Variants in NCSTN observed in about 807,000 individuals in gnomAD.
NCSTN encodes nicastrin.
NCSTN carries 22 observed loss-of-function variants against 87.0 expected under a neutral mutation model. The ratio of observed to expected loss-of-function variants is 0.25; its 90% CI spans 0.18 to 0.36. The LOEUF (loss-of-function observed/expected upper bound fraction) is 0.36, where lower values mean the gene tolerates loss of function less well. Ranked by LOEUF, NCSTN falls within the 10% of genes least tolerant of loss-of-function variation. NCSTN has a pLI of 1.00. For synonymous variants in NCSTN, 306 were observed against 327.1 expected (o/e 0.94, Z 0.69); for missense variants, 693 against 883.3 (o/e 0.78, Z 2.73).
At chr1:160,351,641 A>G in intron 6 of NCSTN, 55 bp from the exon 7 acceptor site, 1 of 1,471,892 alleles carries the variant, frequency 6.8e-7, no homozygotes, top group Middle Eastern at 1.7e-4. Context: ...TGTTGCCTTT[A>G]TAGCTACCTT....
Position 160,356,765 on chromosome 1 carries a change from G to A in NCSTN, c.1794+11G>A, listed in dbSNP as rs767848031. 1 of 1,614,194 alleles carries A rather than the reference G, an allele frequency of 6.2e-7. No homozygotes were observed. Among genetic ancestry groups the A allele is most frequent in the South Asian group, 1.1e-5 (1 of 91,080 alleles). On this transcript the variant is annotated intron_variant, in intron 15 of 16. Coordinates refer to ENST00000294785, the MANE Select transcript of NCSTN (RefSeq NM_015331.3). ...AGTGAAAACAAGGATGTGAGTGGTG[G>A]TGGGTGTTGGAAGTGCCCTGGGGCC...
At chr1:160,354,995 G>C (rs181312261) in intron 11 of NCSTN, among the ~76,000 whole-genome samples, 2 of 152,286 alleles carry the variant, frequency 1.3e-5, no homozygotes, top group African/African-American at 4.8e-5. Context: ...CTAGCACTTA[G>C]GGTCAGCTGT....
chr1:160,343,423 G>C lies in NCSTN; in HGVS notation c.27G>C (p.Gly9=), dbSNP rs1557880042. 6.2e-7 allele frequency: 1 copy of C among 1,612,856 alleles called. No homozygotes were observed. Among genetic ancestry groups the C allele is most frequent in the Admixed American group, 1.7e-5 (1 of 59,930 alleles). The part of the protein sequence containing the change: MATAGGGS[G]ADPGSRGLLR... The stretch of plus-strand genomic sequence containing the variant: ...TGGCTACGGCAGGGGGTGGCTCTGG[G>C]GCTGACCCGGGAAGTCGGGGTCTCC... Residue 9 remains glycine (G), a synonymous_variant, in exon 1 of 17, where the codon GGG becomes GGC. Transcript: ENST00000294785.
chr1:160,354,909 G>A (rs764620196), intron 11 of NCSTN, among the ~76,000 whole-genome samples: 42 of 152,286 alleles, frequency 2.8e-4, no homozygotes, highest in African/African-American at 9.4e-4. Flanking sequence ...AATGAGTTTC[G>A]TAGTGAAAAT....
chr1:160,344,703 CTTT>C lies in NCSTN; in HGVS notation c.86-16_86-14del. 6.2e-7 allele frequency: 1 copy of C among 1,612,408 alleles called. No homozygotes were observed. Among genetic ancestry groups the C allele is most frequent in the Non-Finnish European group, 8.5e-7 (1 of 1,178,696 alleles). On this transcript the variant is annotated splice_polypyrimidine_tract_variant and intron_variant, in intron 1 of 16. Transcript: ENST00000294785. The stretch of plus-strand genomic sequence containing the variant: ...CTGTGTCTCTCAAATTTTTCTAACA[CTTT>C]TTATCTTCCGATCAGGTTTGTGCAG...
chr1:160,346,636 C>A (rs1004559903), intron 2 of NCSTN, among the ~76,000 whole-genome samples: 1 of 150,762 alleles, frequency 6.6e-6, no homozygotes, highest in African/African-American at 2.4e-5. Flanking sequence ...GATGCAGTCT[C>A]GCCCTCTCGC....
rs978041117 is a variant in NCSTN at position 160,343,594 on chromosome 1, C to T, written c.85+113C>T. 4 of 998,062 alleles carry T rather than the reference C, an allele frequency of 4.0e-6. No homozygotes were observed. The African/African-American group carries it at 6.4e-5, about 16-fold the overall frequency. 61.8% of individuals were successfully genotyped at this position (998,062 alleles called of 1,614,324 possible). A position where few individuals can be genotyped will look rare whatever the true frequency, so the allele number is the denominator to read the frequency against. ...CCTGCTGCCCCTCTGTCCCCCCACC[C>T]TGTAAATCCTCTTTCTTTTTCGTTC... is the stretch of plus-strand genomic sequence containing the variant. On this transcript the variant is annotated intron_variant, in intron 1 of 16. Transcript: ENST00000294785.
At position 160,354,229 on chromosome 1, in the gene NCSTN, C is replaced by A. The variant is rs751801894; in HGVS notation, c.1291C>A (p.Leu431Ile). The change falls in exon 11 of 17, where the codon CTT becomes ATT. Residue 431 changes from leucine to isoleucine, a missense_variant. By Grantham distance (5) the Leu-to-Ile change is conservative (BLOSUM62 2). Around this residue, in one of 4 missense-constraint regions of NCSTN, gnomAD observed 108 missense variants for 111.6 expected, o/e 0.97. Transcript: ENST00000294785. ...PLPPSSLQRF[L>I]RARNISGVVL... ...CCCACCATCTTCCCTGCAGCGATTTCTTCGAGCTCGAAACATCTCTGGCGT... is the reference window on the plus strand; with the variant it reads ...CCCACCATCTTCCCTGCAGCGATTTATTCGAGCTCGAAACATCTCTGGCGT... 6.2e-7 allele frequency: 1 copy of A among 1,614,188 alleles called. No homozygotes were observed. Among genetic ancestry groups the A allele is most frequent in the Non-Finnish European group, 8.5e-7 (1 of 1,180,040 alleles).
At chr1:160,354,997 G>A (rs1030276197) in intron 11 of NCSTN, among the ~76,000 whole-genome samples, 8 of 152,284 alleles carry the variant, frequency 5.3e-5, no homozygotes, top group Admixed American at 5.2e-4. Context: ...AGCACTTAGG[G>A]TCAGCTGTCT....
intron 6 of NCSTN, 81 bp downstream of exon 6, chr1:160,351,453 C>CT: frequency 6.6e-7 from 1 of 1,509,278 alleles, no homozygotes; most frequent in Non-Finnish European, 9.1e-7. Flanking sequence ...GTTAGAGAGA[C>CT]TGTAATAGGG....
At chr1:160,344,395 A>C in intron 1 of NCSTN, 1 of 1,295,090 alleles carries the variant, frequency 7.7e-7, no homozygotes, top group Middle Eastern at 2.8e-4. Context: ...ATACAAGCAG[A>C]AGTGTGATCA....
rs1412700773 is a variant in NCSTN at position 160,353,217 on chromosome 1, A to T, written c.1159A>T (p.Asn387Tyr). 2 of 1,614,054 alleles carry T rather than the reference A, an allele frequency of 1.2e-6. No individual in the cohort carries two copies. Among genetic ancestry groups the T allele is most frequent in the South Asian group, 2.2e-5 (2 of 91,070 alleles). ...WMHTDPVSQK[N>Y]ESVRNQVEDL... ...GCACACAGATCCTGTTTCTCAGAAA[A>T]ATGAGTCTGTACGGAACCAGGTAAC... Residue 387 changes from asparagine to tyrosine, a missense_variant, in exon 10 of 17, where the codon AAT (asparagine) becomes TAT (tyrosine). Coordinates refer to ENST00000294785, the MANE Select transcript of NCSTN (RefSeq NM_015331.3).
rs200800006 is a variant in NCSTN at position 160,352,102 on chromosome 1, G to A, written c.892G>A (p.Ala298Thr). The A allele has an allele frequency of 5.3e-5, 86 of 1,614,128 alleles. No individual in the cohort carries two copies. Among genetic ancestry groups the A allele is most frequent in the East Asian group, 6.7e-5 (3 of 44,898 alleles). Residue 298 changes from alanine to threonine, a missense_variant, in exon 8 of 17, where the codon GCA (alanine) becomes ACA (threonine). This residue lies in a region of NCSTN where 134 missense variants were observed against 226.0 expected (regional missense o/e 0.59). Transcript: ENST00000294785. The stretch of plus-strand genomic sequence containing the variant: ...GAATGTGGCCCCAGGGGCTGAAAGC[G>A]CAGTGGCTTCCTTTGTCACCCAGCT... Reference protein sequence around the residue: ...FWNVAPGAESAVASFVTQLAA... With the variant: ...FWNVAPGAESTVASFVTQLAA...
intron 2 of NCSTN, among the ~76,000 whole-genome samples, chr1:160,346,478 CTACTT>C (rs1483335959): frequency 6.6e-6 from 1 of 152,202 alleles, no homozygotes; most frequent in Non-Finnish European, 1.5e-5. Context: ...GAAGCAGTTA[CTACTT>C]TTTTAGCCAT....
chr1:160,357,102 G>T lies in NCSTN; in HGVS notation c.1856G>T (p.Arg619Leu), dbSNP rs201152756. The T allele has an allele frequency of 6.2e-6, 10 of 1,613,952 alleles. No individual in the cohort carries two copies. The highest frequency in any genetic ancestry group is 1.7e-5 in the Admixed American group (1 of 59,972). Reference sequence around the variant, plus strand: ...TCTAATGAGACGGACCGACTCCCCCGGTGTGTGCGTTCTACTGCACGATTA... The same window carrying T: ...TCTAATGAGACGGACCGACTCCCCCTGTGTGTGCGTTCTACTGCACGATTA... ...LHSNETDRLP[R>L]CVRSTARLAR... Residue 619 changes from arginine to leucine, a missense_variant, in exon 16 of 17, where the codon CGG (arginine) becomes CTG (leucine). This residue lies in a region of NCSTN where 216 missense variants were observed against 311.7 expected (regional missense o/e 0.69). Transcript: ENST00000294785.
rs181644815 is a variant in NCSTN at position 160,346,271 on chromosome 1, C to A, written c.190+1445C>A. ...GCTTCTTCATCATCAAATTGATCACCTCTGAATTTCAGTTTACCCCTGGAA... is the reference window on the plus strand; with the variant it reads ...GCTTCTTCATCATCAAATTGATCACATCTGAATTTCAGTTTACCCCTGGAA... On this transcript the variant is annotated intron_variant, in intron 2 of 16. Coordinates refer to ENST00000294785, the MANE Select transcript of NCSTN (RefSeq NM_015331.3). Among the ~76,000 whole-genome samples the A allele has an allele frequency of 1.9e-3, 291 of 152,302 alleles. 3 individuals are homozygous for A. Among genetic ancestry groups the A allele is most frequent in the African/African-American group, 5.9e-3 (244 of 41,562 alleles).
At chr1:160,355,080 A>G (rs1210013285) in intron 11 of NCSTN, among the ~76,000 whole-genome samples, 1 of 152,208 alleles carries the variant, frequency 6.6e-6, no homozygotes, top group African/African-American at 2.4e-5. Flanking sequence ...GGATTTGATT[A>G]TGTAGCTGAC....
At chr1:160,349,718 C>CT (rs1557884824) in intron 4 of NCSTN, 48 bp downstream of exon 4, 2 of 1,609,626 alleles carry the variant, frequency 1.2e-6, no homozygotes, top group Non-Finnish European at 1.7e-6. Flanking sequence ...CTAAGGCTCA[C>CT]TGTTGCTTCG....
rs780642458 is a variant in NCSTN at position 160,357,032 on chromosome 1, T to C, written c.1795-9T>C. 1.2e-6 allele frequency: 2 copies of C among 1,611,334 alleles called. No individual in the cohort carries two copies. Among genetic ancestry groups the C allele is most frequent in the Non-Finnish European group, 8.5e-7 (1 of 1,177,728 alleles). On this transcript the variant is annotated splice_polypyrimidine_tract_variant and intron_variant, in intron 15 of 16. Transcript: ENST00000294785. ...CCTAGCCGTGTGTTGTGGCGCATCT[T>C]CTGTGCAGCTGTATGAGTACTCATG...
Sources: gnomAD v4.1 joint callset for allele counts (sites outside exome capture counted in the v4.1 genomes callset) on GRCh38, gnomAD v4.1.1 for gene constraint, gnomAD v4.1.1 regional missense constraint, MANE v1.5 for transcripts, NCBI Gene and HGNC (gene_info 2026-07-23, HGNC 2026-07-21) for gene names.